The following PEPD variants were observed in gnomAD, a reference collection of about 807,000 sequenced individuals.
PEPD encodes the protein peptidase D.
A neutral mutation model predicts 60.7 loss-of-function variants in PEPD; 53 were observed. That is an observed-to-expected ratio of 0.87 (90% CI 0.70 to 1.10). The LOEUF is 1.10. PEPD is among the 50% of genes least tolerant of loss of function. The pLI, the probability that PEPD is intolerant of heterozygous loss-of-function variation, is 0.00. For synonymous variants in PEPD, 267 were observed against 284.1 expected, an observed-to-expected ratio of 0.94 and a Z score of 0.60; for missense variants, 711 against 711.9, an observed-to-expected ratio of 1.00 and a Z score of 0.01.
intron 11 of PEPD, among the ~76,000 whole-genome samples, chr19:33,410,539 G>A (rs927051358): frequency 2.6e-5 from 4 of 152,212 alleles, no homozygotes; most frequent in Non-Finnish European, 2.9e-5. Flanking sequence ...AGGGTGAGGC[G>A]GGGTCCAGGC....
chr19:33,450,237 C>T (rs764373072), intron 9 of PEPD, among the ~76,000 whole-genome samples: 36 of 152,230 alleles, frequency 2.4e-4, no homozygotes, highest in Non-Finnish European at 3.7e-4. Flanking sequence ...AAGCAAGCCC[C>T]GGCTTGTGCC....
intron 9 of PEPD, among the ~76,000 whole-genome samples, chr19:33,456,513 C>T (rs1354088794): frequency 5.3e-5 from 8 of 152,184 alleles, no homozygotes; most frequent in Non-Finnish European, 1.0e-4. Flanking sequence ...TAGCAGCAAA[C>T]CTACTCCAAG....
At chr19:33,493,176 C>T (rs1026328958) in intron 5 of PEPD, 114 bp downstream of exon 5, 6 of 777,568 alleles carry the variant, frequency 7.7e-6, no homozygotes, top group South Asian at 4.4e-5. Context: ...GGACCCAACC[C>T]CTCTCCGTTT....
At chr19:33,459,312 C>T (rs1969883703) in intron 9 of PEPD, among the ~76,000 whole-genome samples, 2 of 152,320 alleles carry the variant, frequency 1.3e-5, no homozygotes, top group South Asian at 4.1e-4. Context: ...CAATCAAGGT[C>T]TCAGGCTGTC....
At chr19:33,394,658 G>A (rs1337408566) in intron 12 of PEPD, among the ~76,000 whole-genome samples, 4 of 152,208 alleles carry the variant, frequency 2.6e-5, no homozygotes, top group Non-Finnish European at 4.4e-5. Context: ...ACCAACTTGA[G>A]GGTTCCCTTG....
At chr19:33,408,548 G>T (rs1968693305) in intron 11 of PEPD, among the ~76,000 whole-genome samples, 1 of 152,166 alleles carries the variant, frequency 6.6e-6, no homozygotes, top group African/African-American at 2.4e-5. Context: ...CCTCCTCTTA[G>T]TACCCCCCAC....
intron 9 of PEPD, among the ~76,000 whole-genome samples, chr19:33,454,367 T>C (rs946122282): frequency 1.3e-5 from 2 of 152,018 alleles, no homozygotes; most frequent in African/African-American, 4.8e-5. Flanking sequence ...TTTGGGAGGC[T>C]GAGGTGGGAG....
chr19:33,401,022 A>G (rs1010370999), intron 12 of PEPD, among the ~76,000 whole-genome samples: 3 of 152,180 alleles, frequency 2.0e-5, no homozygotes, highest in Non-Finnish European at 4.4e-5. Flanking sequence ...CCTGACAGAC[A>G]TCAACGGCGC....
At chr19:33,413,012 GGCACACACCCAAGC>G (rs1056937775) in intron 10 of PEPD, among the ~76,000 whole-genome samples, 7 of 152,202 alleles carry the variant, frequency 4.6e-5, no homozygotes. Context: ...AGGTGTTGAT[GGCACACACCCAAGC>G]GCACACACCC....
At chr19:33,454,996 T>C (rs1161676120) in intron 9 of PEPD, among the ~76,000 whole-genome samples, 2 of 152,294 alleles carry the variant, frequency 1.3e-5, no homozygotes, top group East Asian at 3.9e-4. Flanking sequence ...TCCTCGAAAG[T>C]GTCAAGGTCA....
chr19:33,485,944 T>C (rs763671278), intron 6 of PEPD, among the ~76,000 whole-genome samples: 5 of 152,064 alleles, frequency 3.3e-5, no homozygotes, highest in Non-Finnish European at 7.4e-5. Context: ...GCGACTGCCT[T>C]GTGCCAAGAA....
rs117629750 is a variant in PEPD, at chr19:33,470,289, G to A, written c.549-6227C>T. On this transcript the variant is annotated intron_variant, in intron 7 of 14. Transcript: ENST00000244137. ...CTTTAGGAAATGCAAACCTTATCAGGCTTCCCCTCGTTTCCAGTGGCCTTT... is the reference window on the plus strand; with the variant it reads ...CTTTAGGAAATGCAAACCTTATCAGACTTCCCCTCGTTTCCAGTGGCCTTT... 7.0e-4 allele frequency among the ~76,000 whole-genome samples: 106 copies of A among 152,168 alleles called. No individual in the cohort carries two copies. The East Asian group carries it at 0.015, about 22-fold the overall frequency.
rs997230164 is a variant in PEPD at position 33,506,842 on chromosome 19, A to C, written c.329+4186T>G. Among the ~76,000 whole-genome samples, 5 of 138,880 alleles carry C rather than the reference A, an allele frequency of 3.6e-5. No individual in the cohort carries two copies. In the East Asian group the frequency reaches 1.2e-3, roughly 32 times the overall value. The allele number at this position is 138,880 out of a possible 152,430, so 91.1% of individuals were successfully genotyped here. On this transcript the variant is annotated intron_variant, in intron 3 of 14. Coordinates refer to ENST00000244137, the MANE Select transcript of PEPD (RefSeq NM_000285.4). ...CAAAACACAGCACACGCACACCCACATTCACCCCTCCTCATAAACACCCTA... is the reference window on the plus strand; with the variant it reads ...CAAAACACAGCACACGCACACCCACCTTCACCCCTCCTCATAAACACCCTA...
intron 11 of PEPD, among the ~76,000 whole-genome samples, chr19:33,404,457 A>AAAC (rs57961062): frequency 1.1e-4 from 17 of 151,364 alleles, no homozygotes; most frequent in South Asian, 2.1e-4. Flanking sequence ...ATCGTTTAAA[A>AAAC]AACAACAACA....
At chr19:33,438,822 A>G (rs1344585668) in intron 9 of PEPD, among the ~76,000 whole-genome samples, 1 of 152,180 alleles carries the variant, frequency 6.6e-6, no homozygotes, top group East Asian at 1.9e-4. Context: ...TTCATTCAAG[A>G]GATTCTCCTG....
intron 1 of PEPD, among the ~76,000 whole-genome samples, chr19:33,521,089 C>T (rs1971122172): frequency 6.6e-6 from 1 of 152,230 alleles, no homozygotes; most frequent in Admixed American, 6.5e-5. Context: ...CTTCCTCCCA[C>T]TACGACCACT....
intron 9 of PEPD, among the ~76,000 whole-genome samples, chr19:33,422,771 T>C (rs1016419528): frequency 1.3e-5 from 2 of 149,294 alleles, no homozygotes; most frequent in African/African-American, 5.0e-5. Flanking sequence ...CTACTTATCA[T>C]TGATCCATCC....
chr19:33,461,463 C>A (rs910710124), intron 9 of PEPD, among the ~76,000 whole-genome samples: 1 of 152,198 alleles, frequency 6.6e-6, no homozygotes, highest in Non-Finnish European at 1.5e-5. Context: ...AGGCTCAGGG[C>A]CCCTCCCAGT....
At chr19:33,428,863 A>T (rs923228700) in intron 9 of PEPD, among the ~76,000 whole-genome samples, 1 of 152,238 alleles carries the variant, frequency 6.6e-6, no homozygotes, top group Non-Finnish European at 1.5e-5. Context: ...AGGCCTGAAC[A>T]TGCCCAACAA....
Sources: gnomAD v4.1 joint callset for allele counts (sites outside exome capture counted in the v4.1 genomes callset) on GRCh38, gnomAD v4.1.1 for gene constraint, MANE v1.5 for transcripts, NCBI Gene and HGNC (gene_info 2026-07-23, HGNC 2026-07-21) for gene names.